The following KCNH5 variants were observed in gnomAD, a reference collection of about 807,000 sequenced individuals.
KCNH5 encodes the protein potassium voltage-gated channel subfamily H member 5.
KCNH5 carries 46 observed loss-of-function variants against 96.1 expected under a neutral mutation model. That is an observed-to-expected ratio of 0.48 (90% confidence interval 0.38 to 0.61). The LOEUF is 0.61. KCNH5 is among the 20% of genes least tolerant of loss of function. KCNH5 has a pLI of 0.00. For synonymous variants in KCNH5, 439 were observed against 449.8 expected (o/e 0.98, Z 0.30); for missense variants, 907 against 1,225.8 (o/e 0.74, Z 3.88).
chr14:62,917,634 A>G (rs1889301065), intron 7 of KCNH5, among the ~76,000 whole-genome samples: 1 of 152,312 alleles, frequency 6.6e-6, no homozygotes, highest in Middle Eastern at 3.4e-3. Flanking sequence ...AGATGAGAGA[A>G]GAGTTCATTC....
At chr14:62,839,294 C>A (rs548554041) in intron 8 of KCNH5, among the ~76,000 whole-genome samples, 80 of 152,140 alleles carry the variant, frequency 5.3e-4, no homozygotes, top group African/African-American at 1.7e-3. Flanking sequence ...ACTAAACAAG[C>A]ACTTTTGAAA....
At chr14:63,003,406 A>G (rs11622684) in intron 3 of KCNH5, among the ~76,000 whole-genome samples, 13,187 of 137,926 alleles carry the variant, frequency 0.096, 970 homozygotes, top group East Asian at 0.2. Context: ...AGCCTCGGCT[A>G]TCAGTTCTGC....
chr14:62,814,782 CAAAAAAAAAA>C lies in KCNH5; in HGVS notation c.1570-12211_1570-12202del, dbSNP rs71120235. 2.1e-3 allele frequency among the ~76,000 whole-genome samples: 71 copies of C among 33,760 alleles called. 1 individual carries two copies. Among genetic ancestry groups the C allele is most frequent in the Admixed American group, 5.1e-3 (9 of 1,758 alleles). 22.1% of individuals were successfully genotyped at this position (33,760 alleles called of 152,430 possible). A position where few individuals can be genotyped will look rare whatever the true frequency, so the allele number is the denominator to read the frequency against. ...TGGGCGACAAAGCGAGACTCCATCT[CAAAAAAAAAA>C]AAAAAAAAAAAAAAAAAAAGAATGA... On this transcript the variant is annotated intron_variant, in intron 8 of 10. Coordinates refer to ENST00000322893, the MANE Select transcript of KCNH5 (RefSeq NM_139318.5).
At chr14:62,732,901 C>G (rs573672950) in intron 10 of KCNH5, among the ~76,000 whole-genome samples, 2 of 152,078 alleles carry the variant, frequency 1.3e-5, no homozygotes, top group African/African-American at 4.8e-5. Context: ...CTCTCTCTTT[C>G]TCGTTGCCTC....
intron 4 of KCNH5, among the ~76,000 whole-genome samples, chr14:62,987,671 G>GGAAGTATGCAAAT (rs112022547): frequency 6.6e-6 from 1 of 151,866 alleles, no homozygotes; most frequent in African/African-American, 2.4e-5. Flanking sequence ...TCTACCAGCT[G>GGAAGTATGCAAAT]GACAAGGCCC....
At chr14:62,987,938 A>C (rs563966070) in intron 4 of KCNH5, among the ~76,000 whole-genome samples, 1 of 152,262 alleles carries the variant, frequency 6.6e-6, no homozygotes, top group East Asian at 1.9e-4. Context: ...ACACACTTCC[A>C]TCTTCCTTGT....
intron 9 of KCNH5, among the ~76,000 whole-genome samples, chr14:62,785,071 T>C (rs1298847794): frequency 1.3e-5 from 2 of 152,334 alleles, no homozygotes; most frequent in South Asian, 2.1e-4. Flanking sequence ...CATTGGGATA[T>C]GCAATATGTA....
At chr14:63,039,403 G>A (rs1246637317) in intron 1 of KCNH5, among the ~76,000 whole-genome samples, 2 of 151,866 alleles carry the variant, frequency 1.3e-5, no homozygotes, top group Non-Finnish European at 2.9e-5. Flanking sequence ...AACATCCTGA[G>A]GAAGTAACTA....
At chr14:62,861,890 T>C (rs988876914) in intron 7 of KCNH5, among the ~76,000 whole-genome samples, 2 of 152,188 alleles carry the variant, frequency 1.3e-5, no homozygotes, top group Admixed American at 6.5e-5. Context: ...TTACCTTACC[T>C]ATTTATAAGT....
chr14:62,722,925 A>C (rs1319979374), intron 10 of KCNH5, among the ~76,000 whole-genome samples: 1 of 152,154 alleles, frequency 6.6e-6, no homozygotes, highest in Non-Finnish European at 1.5e-5. Context: ...TCCTTCCACT[A>C]TTTTATATCG....
chr14:63,042,649 T>C (rs1891846802), intron 1 of KCNH5, among the ~76,000 whole-genome samples: 1 of 152,162 alleles, frequency 6.6e-6, no homozygotes, highest in African/African-American at 2.4e-5. Context: ...ACCTGATCCA[T>C]CTGTGAGAAT....
chr14:62,750,834 T>A (rs935554583), intron 10 of KCNH5, among the ~76,000 whole-genome samples: 1 of 152,198 alleles, frequency 6.6e-6, no homozygotes, highest in Non-Finnish European at 1.5e-5. Flanking sequence ...TAGAAGCTGG[T>A]AAGGCCTGAG....
intron 7 of KCNH5, among the ~76,000 whole-genome samples, chr14:62,931,354 T>C (rs947596082): frequency 6.6e-6 from 1 of 152,032 alleles, no homozygotes; most frequent in Non-Finnish European, 1.5e-5. Flanking sequence ...CAGAGGAGCA[T>C]GAACCAGCAG....
At chr14:62,793,416 G>A (rs1886475606) in intron 9 of KCNH5, among the ~76,000 whole-genome samples, 1 of 151,766 alleles carries the variant, frequency 6.6e-6, no homozygotes, top group South Asian at 2.1e-4. Flanking sequence ...TCATCACATT[G>A]TGTGCATTCA....
At chr14:62,812,108 C>T (rs552574686) in intron 8 of KCNH5, among the ~76,000 whole-genome samples, 5 of 152,272 alleles carry the variant, frequency 3.3e-5, no homozygotes, top group East Asian at 1.9e-4. Flanking sequence ...TATTAAGCTA[C>T]GCTCCTTCGT....
intron 7 of KCNH5, among the ~76,000 whole-genome samples, chr14:62,851,001 T>C (rs1887793338): frequency 6.6e-6 from 1 of 152,194 alleles, no homozygotes; most frequent in African/African-American, 2.4e-5. Context: ...ATGGAAGTGG[T>C]ATAAAATCAA....
At chr14:62,888,105 G>C (rs1237953107) in intron 7 of KCNH5, among the ~76,000 whole-genome samples, 1 of 152,156 alleles carries the variant, frequency 6.6e-6, no homozygotes, top group Non-Finnish European at 1.5e-5. Context: ...GGCTCTGCAG[G>C]TAACTTTTAC....
intron 7 of KCNH5, among the ~76,000 whole-genome samples, chr14:62,907,522 G>T (rs889694471): frequency 6.6e-6 from 1 of 152,154 alleles, no homozygotes; most frequent in Non-Finnish European, 1.5e-5. Flanking sequence ...AACTGCCAAG[G>T]TTAGTATATA....
intron 10 of KCNH5, among the ~76,000 whole-genome samples, chr14:62,728,933 C>A (rs1481712686): frequency 6.6e-6 from 1 of 152,118 alleles, no homozygotes; most frequent in African/African-American, 2.4e-5. Flanking sequence ...GAACCTTGAG[C>A]TGTTCTATAA....
Sources: allele counts gnomAD v4.1 joint callset (sites outside exome capture counted in the v4.1 genomes callset), GRCh38; gene constraint gnomAD v4.1.1; transcripts MANE v1.5; gene names NCBI Gene and HGNC (gene_info 2026-07-23, HGNC 2026-07-21).